RANBP17: variants seen among roughly 807,000 people sequenced by gnomAD.
RANBP17 encodes ran-binding protein 17.
RANBP17 carries 158 observed loss-of-function variants against 141.2 expected under a neutral mutation model. The ratio of observed to expected loss-of-function variants is 1.12; its 90% CI spans 0.98 to 1.28. The LOEUF is 1.28. Ranked by LOEUF, RANBP17 falls within the 50% of genes most tolerant of loss-of-function variation. RANBP17 has a pLI of 0.00. For missense variants in RANBP17, 1,438 were observed against 1,290.7 expected (o/e 1.11, Z -1.75); for synonymous variants, 430 against 450.0 (o/e 0.96, Z 0.56).
intron 24 of RANBP17, among the ~76,000 whole-genome samples, chr5:171,261,090 C>CCAAAAAAAAAAA (rs1554125343): frequency 1.5e-5 from 1 of 68,490 alleles, no homozygotes; most frequent in Non-Finnish European, 2.5e-5. Context: ...CCACCCCCCC[C>CCAAAAAAAAAAA]AAAAAAAAAA....
intron 3 of RANBP17, among the ~76,000 whole-genome samples, chr5:170,886,689 C>G (rs1291065835): frequency 8.8e-6 from 1 of 114,194 alleles, no homozygotes; most frequent in Non-Finnish European, 1.7e-5. Context: ...CATAGAGTCT[C>G]ACTTTGTCAC....
chr5:171,121,745 T>C (rs754223798), intron 14 of RANBP17, among the ~76,000 whole-genome samples: 3 of 152,106 alleles, frequency 2.0e-5, no homozygotes, highest in African/African-American at 4.8e-5. Flanking sequence ...GTTTGTGGTG[T>C]TCAGCCACCG....
At chr5:171,164,031 A>C (rs1759516662) in intron 14 of RANBP17, among the ~76,000 whole-genome samples, 1 of 152,092 alleles carries the variant, frequency 6.6e-6, no homozygotes, top group Non-Finnish European at 1.5e-5. Context: ...TCTTTTGAAA[A>C]CCTATAGAAC....
chr5:171,155,082 A>AG (rs1758776253), intron 14 of RANBP17, among the ~76,000 whole-genome samples: 1 of 95,074 alleles, frequency 1.1e-5, no homozygotes, highest in African/African-American at 4.1e-5. Context: ...CATCTAGAAA[A>AG]AAAAAAAAAA....
chr5:171,211,583 G>A (rs2127969965), intron 20 of RANBP17, among the ~76,000 whole-genome samples: 1 of 147,014 alleles, frequency 6.8e-6, no homozygotes, highest in Non-Finnish European at 1.5e-5. Flanking sequence ...ACTTTCTAAT[G>A]TGTATTTATT....
intron 22 of RANBP17, 56 bp from the exon 23 acceptor site, chr5:171,240,872 A>G (rs994338742): frequency 1.7e-6 from 2 of 1,180,400 alleles, no homozygotes; most frequent in African/African-American, 1.5e-5. Context: ...AGTGTGTCCC[A>G]TAACTACTTT....
intron 22 of RANBP17, among the ~76,000 whole-genome samples, chr5:171,238,351 C>A (rs1004407048): frequency 1.3e-5 from 2 of 149,176 alleles, no homozygotes; most frequent in Non-Finnish European, 3.0e-5. Flanking sequence ...TGCCAAATTG[C>A]AATATTAACA....
At chr5:171,125,813 C>T (rs1092502) in intron 14 of RANBP17, among the ~76,000 whole-genome samples, 93,812 of 150,580 alleles carry the variant, frequency 0.62, 30,408 homozygotes, top group South Asian at 0.88. Flanking sequence ...TTTTTTGAGA[C>T]GGAGTCTTGC....
chr5:170,968,177 T>G, intron 13 of RANBP17, 65 bp from the exon 14 acceptor site: 1 of 1,125,828 alleles, frequency 8.9e-7, no homozygotes. Flanking sequence ...TTATGGTAAA[T>G]GTTTTAATGT....
chr5:171,109,852 A>G (rs1251817453), intron 14 of RANBP17, among the ~76,000 whole-genome samples: 2 of 152,182 alleles, frequency 1.3e-5, no homozygotes, highest in Non-Finnish European at 2.9e-5. Flanking sequence ...GGTTGAGTAT[A>G]TTGTGTACAT....
chr5:170,878,930 G>A (rs1219958852), intron 2 of RANBP17, among the ~76,000 whole-genome samples: 6 of 152,018 alleles, frequency 3.9e-5, no homozygotes, highest in African/African-American at 1.4e-4. Context: ...TCTATAGAAA[G>A]AGAAAAAACA....
intron 14 of RANBP17, among the ~76,000 whole-genome samples, chr5:171,080,482 TA>T (rs1785200757): frequency 6.6e-6 from 1 of 152,224 alleles, no homozygotes; most frequent in Admixed American, 6.5e-5. Flanking sequence ...GGTGATTTGA[TA>T]TGAATTTTTA....
chr5:171,191,108 C>T (rs2127940315), intron 18 of RANBP17, among the ~76,000 whole-genome samples: 1 of 152,134 alleles, frequency 6.6e-6, no homozygotes, highest in African/African-American at 2.4e-5. Context: ...GCACAGTATC[C>T]ATATACTTTG....
intron 14 of RANBP17, among the ~76,000 whole-genome samples, chr5:171,110,689 G>A (rs958218309): frequency 6.6e-6 from 1 of 151,976 alleles, no homozygotes; most frequent in African/African-American, 2.4e-5. Context: ...AGGGCCAAAA[G>A]GTTATATACT....
chr5:171,060,867 C>T (rs1783784383), intron 14 of RANBP17, among the ~76,000 whole-genome samples: 1 of 152,114 alleles, frequency 6.6e-6, no homozygotes, highest in Admixed American at 6.6e-5. Flanking sequence ...TTCAGAGATT[C>T]AGCTTCTTCC....
chr5:170,974,109 C>T (rs1777192261), intron 14 of RANBP17, among the ~76,000 whole-genome samples: 1 of 152,152 alleles, frequency 6.6e-6, no homozygotes, highest in Non-Finnish European at 1.5e-5. Flanking sequence ...TTAGTTTATC[C>T]TACAATCAGC....
chr5:170,944,405 T>C (rs150281962), intron 12 of RANBP17, among the ~76,000 whole-genome samples: 1,801 of 152,330 alleles, frequency 0.012, 33 homozygotes, highest in African/African-American at 0.042. Flanking sequence ...TTGCTGAGAT[T>C]ACAGGCGCAT....
chr5:170,924,390 C>T lies in RANBP17; in HGVS notation c.1308C>T (p.Ala436=). Residue 436 remains alanine (A), a synonymous_variant, in exon 12 of 28, where the codon GCC becomes GCT. Transcript: ENST00000523189. ...TAGATGATCCACTGGATGATACTGC[C>T]ACTGTGTTTCAGCAGTTGGAGCAGT... is the stretch of plus-strand genomic sequence containing the variant. ...DHLDDPLDDT[A]TVFQQLEQLC... 1 of 1,603,532 alleles carries T rather than the reference C, an allele frequency of 6.2e-7. No individual in the cohort carries two copies. The highest frequency in any genetic ancestry group is 1.1e-5 in the South Asian group (1 of 90,324).
intron 3 of RANBP17, among the ~76,000 whole-genome samples, chr5:170,886,651 C>CT (rs3080616): frequency 0.05 from 4,416 of 87,840 alleles, 274 homozygotes; most frequent in African/African-American, 0.1. Flanking sequence ...TTTGAGGTGC[C>CT]TTTTTTTTTT....
Sources: allele counts gnomAD v4.1 joint callset (sites outside exome capture counted in the v4.1 genomes callset), GRCh38; gene constraint gnomAD v4.1.1; transcripts MANE v1.5; gene names NCBI Gene and HGNC (gene_info 2026-07-23, HGNC 2026-07-21).